Variants in DCLK1 observed in about 807,000 individuals in gnomAD.
DCLK1 encodes the protein serine/threonine-protein kinase DCLK1.
In DCLK1, 16 loss-of-function variants were observed where a neutral mutation model predicts 86.2. The observed-to-expected ratio is 0.19, with a 90% CI of 0.13 to 0.28. The LOEUF (loss-of-function observed/expected upper bound fraction) is 0.28. Among genes scored for constraint, DCLK1 ranks in the 10% least tolerant of loss-of-function variants. The probability of loss-of-function intolerance (pLI) is 1.00; values close to 1 mark genes in which losing one functional copy is unlikely to be tolerated. For synonymous variants in DCLK1, 369 were observed against 370.5 expected (o/e 1.00, Z 0.05); for missense variants, 590 against 940.2 (o/e 0.63, Z 4.87).
chr13:35,985,714 C>G (rs1171564415), intron 3 of DCLK1, among the ~76,000 whole-genome samples: 1 of 152,220 alleles, frequency 6.6e-6, no homozygotes, highest in African/African-American at 2.4e-5. Flanking sequence ...GAGAGACTGG[C>G]TGGGGATGGG....
chr13:35,953,423 A>AT (rs537274667), intron 3 of DCLK1, among the ~76,000 whole-genome samples: 200 of 152,328 alleles, frequency 1.3e-3, no homozygotes, highest in Non-Finnish European at 2.2e-3. Context: ...ATAGTATATA[A>AT]TAAAAACGGT....
chr13:36,012,491 T>C (rs1245920612), intron 3 of DCLK1, among the ~76,000 whole-genome samples: 1 of 147,970 alleles, frequency 6.8e-6, no homozygotes, highest in East Asian at 2.1e-4. Context: ...TTATGAAGCT[T>C]AGTTTGGCTG....
At chr13:36,085,363 T>G (rs2138122046) in intron 3 of DCLK1, among the ~76,000 whole-genome samples, 1 of 152,326 alleles carries the variant, frequency 6.6e-6, no homozygotes, top group Admixed American at 6.5e-5. Flanking sequence ...TTCCAGACCT[T>G]TGTCTAAATG....
chr13:36,054,552 C>T (rs1016321190), intron 3 of DCLK1, among the ~76,000 whole-genome samples: 2 of 152,054 alleles, frequency 1.3e-5, no homozygotes, highest in Non-Finnish European at 2.9e-5. Flanking sequence ...AGAGAAACAA[C>T]CAACCAAACA....
intron 11 of DCLK1, among the ~76,000 whole-genome samples, chr13:35,814,507 G>A (rs1047075883): frequency 1.3e-5 from 2 of 152,216 alleles, no homozygotes; most frequent in Non-Finnish European, 2.9e-5. Flanking sequence ...GGCTGCAAGC[G>A]CAGGCTTGGA....
chr13:35,909,154 G>C (rs1468198419), intron 4 of DCLK1, among the ~76,000 whole-genome samples: 1 of 152,302 alleles, frequency 6.6e-6, no homozygotes, highest in Non-Finnish European at 1.5e-5. Flanking sequence ...CCCGGGAGCG[G>C]CATTTTATGT....
chr13:35,907,386 C>T (rs566070403), intron 4 of DCLK1, among the ~76,000 whole-genome samples: 2 of 152,204 alleles, frequency 1.3e-5, no homozygotes, highest in East Asian at 3.9e-4. Flanking sequence ...TGGTCTCGAA[C>T]TCCTGGCCTC....
At chr13:35,812,986 C>T (rs2087180431) in intron 11 of DCLK1, among the ~76,000 whole-genome samples, 1 of 152,222 alleles carries the variant, frequency 6.6e-6, no homozygotes, top group Non-Finnish European at 1.5e-5. Context: ...CGGCCCCAGC[C>T]TAACTGTTCT....
At chr13:35,860,693 T>G (rs2153112172) in intron 5 of DCLK1, among the ~76,000 whole-genome samples, 1 of 152,312 alleles carries the variant, frequency 6.6e-6, no homozygotes, top group East Asian at 1.9e-4. Flanking sequence ...GTAGTTACCA[T>G]GAACTCACAG....
chr13:36,021,743 AC>A (rs1224134683), intron 3 of DCLK1, among the ~76,000 whole-genome samples: 4 of 152,142 alleles, frequency 2.6e-5, no homozygotes, highest in African/African-American at 9.7e-5. Context: ...ACCCAAAACT[AC>A]CTGAAGGAAA....
rs1249516227 is a variant in DCLK1 at position 36,021,071 on chromosome 13, C to T, written c.724-73614G>A. 2.0e-5 allele frequency among the ~76,000 whole-genome samples: 3 copies of T among 151,986 alleles called. No individual in the cohort carries two copies. In the East Asian group the frequency reaches 5.8e-4, roughly 29 times the overall value. On this transcript the variant is annotated intron_variant, in intron 3 of 16. Transcript: ENST00000360631. Reference sequence around the variant, plus strand: ...AAAGCTACAATTATAACACCGCCTTCATGTATAAAGGTATAATTTGTGTGA... The same window carrying T: ...AAAGCTACAATTATAACACCGCCTTTATGTATAAAGGTATAATTTGTGTGA...
chr13:35,808,492 G>A (rs771082336), intron 13 of DCLK1, among the ~76,000 whole-genome samples, 172 bp from the exon 14 acceptor site: 43 of 152,024 alleles, frequency 2.8e-4, no homozygotes, highest in Non-Finnish European at 2.6e-4. Context: ...AATTAAGAAA[G>A]AGTTTTTGGG....
At chr13:35,968,828 A>G (rs1471696074) in intron 3 of DCLK1, among the ~76,000 whole-genome samples, 1 of 152,226 alleles carries the variant, frequency 6.6e-6, no homozygotes, top group Non-Finnish European at 1.5e-5. Context: ...AGCATAGAGG[A>G]CATTTCTACA....
At chr13:36,075,690 G>A (rs1477449771) in intron 3 of DCLK1, among the ~76,000 whole-genome samples, 1 of 152,190 alleles carries the variant, frequency 6.6e-6, no homozygotes, top group Non-Finnish European at 1.5e-5. Flanking sequence ...GAGATGATAT[G>A]TATGATAGCT....
intron 5 of DCLK1, among the ~76,000 whole-genome samples, chr13:35,856,487 T>C (rs1169994277): frequency 6.6e-6 from 1 of 152,142 alleles, no homozygotes; most frequent in Non-Finnish European, 1.5e-5. Context: ...AAAGGCTACA[T>C]AGATTGGAGG....
chr13:35,771,908 A>T lies in DCLK1; in HGVS notation c.*2627T>A, dbSNP rs925094482. 3 of 152,230 alleles carry T rather than the reference A, an allele frequency of 2.0e-5. No individual in the cohort carries two copies. The highest frequency in any genetic ancestry group is 7.2e-5 in the African/African-American group (3 of 41,452). 9.4% of individuals were successfully genotyped at this position (152,230 alleles called of 1,614,324 possible). ...CACCACTTAATTATTTCAAACTTGA[A>T]CTATCCCAAGAATGTCGAGAAAAAA... On this transcript the variant is annotated 3_prime_UTR_variant, in exon 17 of 17. Coordinates refer to ENST00000360631, the MANE Select transcript of DCLK1 (RefSeq NM_001330071.2).
chr13:35,820,580 A>G (rs1299414737), intron 11 of DCLK1, among the ~76,000 whole-genome samples: 2 of 152,232 alleles, frequency 1.3e-5, no homozygotes, highest in African/African-American at 4.8e-5. Flanking sequence ...CACAAAACTG[A>G]GCAGCAAAAG....
At chr13:35,849,665 T>C in intron 6 of DCLK1, 1 of 984,154 alleles carries the variant, frequency 1.0e-6, no homozygotes, top group Non-Finnish European at 1.2e-6. Flanking sequence ...AACAATGGGT[T>C]ATAATCATAG....
chr13:35,869,079 C>A (rs751437954), intron 5 of DCLK1: 21 of 504,356 alleles, frequency 4.2e-5, no homozygotes, highest in Non-Finnish European at 8.3e-5. Context: ...GTATGAGCCA[C>A]CAGGCCCGGG....
Sources: allele counts gnomAD v4.1 joint callset (sites outside exome capture counted in the v4.1 genomes callset), GRCh38; gene constraint gnomAD v4.1.1; transcripts MANE v1.5; gene names NCBI Gene and HGNC (gene_info 2026-07-23, HGNC 2026-07-21).